NPLOC4: variants seen among roughly 807,000 people sequenced by gnomAD.
The protein encoded by NPLOC4 is nuclear protein localization protein 4 homolog.
In NPLOC4, 18 loss-of-function variants were observed where a neutral mutation model predicts 80.6. The ratio of observed to expected loss-of-function variants is 0.22; its 90% confidence interval spans 0.15 to 0.33. The LOEUF is 0.33. Among genes scored for constraint, NPLOC4 ranks in the 10% least tolerant of loss-of-function variants. NPLOC4 has a pLI of 1.00. For synonymous variants in NPLOC4, 313 were observed against 301.5 expected, an observed-to-expected ratio of 1.04 and a Z score of -0.39; for missense variants, 540 against 786.1, an observed-to-expected ratio of 0.69 and a Z score of 3.74.
chr17:81,583,240 T>C (rs990650140), intron 12 of NPLOC4, among the ~76,000 whole-genome samples: 2 of 152,248 alleles, frequency 1.3e-5, no homozygotes, highest in Non-Finnish European at 2.9e-5. Flanking sequence ...GGAGGATGTA[T>C]AGGGTGTTAA....
chr17:81,558,160 A>T lies in NPLOC4; in HGVS notation c.*1099T>A, dbSNP rs1357642233. 1 of 152,474 alleles carries T rather than the reference A, an allele frequency of 6.6e-6. No homozygotes were observed. The highest frequency in any genetic ancestry group is 2.4e-5 in the African/African-American group (1 of 41,462). 9.4% of individuals were successfully genotyped at this position (152,474 alleles called of 1,614,324 possible). ...GCAGGACCCCACCACGTGCTGTTCCAGATCGCCCAGTCTCCCTCTATTGGT... is the reference window on the plus strand; with the variant it reads ...GCAGGACCCCACCACGTGCTGTTCCTGATCGCCCAGTCTCCCTCTATTGGT... On this transcript the variant is annotated 3_prime_UTR_variant, in exon 17 of 17. Coordinates refer to ENST00000331134, the MANE Select transcript of NPLOC4 (RefSeq NM_017921.4).
chr17:81,619,301 C>T (rs80106978), intron 3 of NPLOC4, among the ~76,000 whole-genome samples: 12,002 of 151,766 alleles, frequency 0.079, 549 homozygotes, highest in Middle Eastern at 0.17. Flanking sequence ...GGCATGAACC[C>T]GGGAGGTGGA....
At chr17:81,589,356 C>T (rs1039220377) in intron 11 of NPLOC4, among the ~76,000 whole-genome samples, 1 of 151,986 alleles carries the variant, frequency 6.6e-6, no homozygotes, top group Non-Finnish European at 1.5e-5. Flanking sequence ...CGGTGAAACC[C>T]CGTCCCTACT....
chr17:81,612,011 C>G (rs577952299), intron 4 of NPLOC4, among the ~76,000 whole-genome samples: 2 of 150,742 alleles, frequency 1.3e-5, no homozygotes, highest in South Asian at 2.1e-4. Context: ...AAAGCTGGTA[C>G]GTGAACATGG....
intron 2 of NPLOC4, among the ~76,000 whole-genome samples, chr17:81,624,011 G>C (rs560818907): frequency 6.6e-6 from 1 of 152,180 alleles, no homozygotes; most frequent in Non-Finnish European, 1.5e-5. Context: ...CTGGCCGGGC[G>C]TGGTGGCTCA....
At position 81,604,534 on chromosome 17, in the gene NPLOC4, C is replaced by T. The variant is rs758822414; in HGVS notation, c.834+14G>A. 2 of 1,608,556 alleles carry T rather than the reference C, an allele frequency of 1.2e-6. No homozygotes were observed. The highest frequency in any genetic ancestry group is 1.7e-6 in the Non-Finnish European group (2 of 1,177,496). On this transcript the variant is annotated intron_variant, in intron 8 of 16. Transcript: ENST00000331134. ...AACACAGAAACTCAGGAACTTGAAT[C>T]CCGTCATGTTTACCTGAGGTGGCTC...
At chr17:81,563,990 G>T (rs1336542184) in intron 16 of NPLOC4, 2 of 448,166 alleles carry the variant, frequency 4.5e-6, no homozygotes, top group Non-Finnish European at 9.0e-6. Flanking sequence ...CTGAGGGAGG[G>T]GAATTGCTTC....
At chr17:81,631,901 G>A (rs1330784865) in intron 1 of NPLOC4, among the ~76,000 whole-genome samples, 2 of 151,854 alleles carry the variant, frequency 1.3e-5, no homozygotes, top group South Asian at 2.1e-4. Flanking sequence ...TTGAGTTCAA[G>A]TGATTCTCCT....
chr17:81,587,679 T>C (rs796829635), intron 12 of NPLOC4, among the ~76,000 whole-genome samples: 1 of 144,064 alleles, frequency 6.9e-6, no homozygotes, highest in Non-Finnish European at 1.5e-5. Flanking sequence ...AAGTTGTTTT[T>C]TTTTTTTTTT....
intron 9 of NPLOC4, 93 bp downstream of exon 9, chr17:81,600,248 G>C (rs1598652466): frequency 2.3e-6 from 2 of 855,998 alleles, no homozygotes; most frequent in South Asian, 2.9e-5. Flanking sequence ...GCCAGTACCC[G>C]ACACAGCCCG....
In NPLOC4 at chr17:81,594,274, C is replaced by CAAAAAAA. The variant is rs869281063; in HGVS notation, c.1120+1835_1120+1841dup. ...TGGGCGAAAGAGCGAGACTCCGTCT[C>CAAAAAAA]AAAAAAAAAAAAAAAAAAAAAAAAA... On this transcript the variant is annotated intron_variant, in intron 11 of 16. Coordinates refer to ENST00000331134, the MANE Select transcript of NPLOC4 (RefSeq NM_017921.4). Among the ~76,000 whole-genome samples the CAAAAAAA allele has an allele frequency of 8.0e-3, 429 of 53,660 alleles. 61 individuals carry two copies. The highest frequency in any genetic ancestry group is 0.013 in the African/African-American group (132 of 10,064). The allele number at this position is 53,660 out of a possible 152,430, so 35.2% of individuals were successfully genotyped here. A position where few individuals can be genotyped will look rare whatever the true frequency, so the allele number is the denominator to read the frequency against.
intron 3 of NPLOC4, among the ~76,000 whole-genome samples, chr17:81,620,955 C>T (rs558272121): frequency 8.6e-5 from 13 of 151,006 alleles, no homozygotes; most frequent in East Asian, 4.0e-4. Flanking sequence ...CCCAGAAGGT[C>T]GAGGCTGCAG....
intron 3 of NPLOC4, among the ~76,000 whole-genome samples, chr17:81,616,338 A>G (rs1277064210): frequency 6.9e-6 from 1 of 144,704 alleles, no homozygotes; most frequent in Non-Finnish European, 1.5e-5. Flanking sequence ...AAAAAAAAAA[A>G]GAAAAGCAAA....
At chr17:81,586,848 G>A (rs2034593181) in intron 12 of NPLOC4, among the ~76,000 whole-genome samples, 1 of 152,330 alleles carries the variant, frequency 6.6e-6, no homozygotes, top group East Asian at 1.9e-4. Flanking sequence ...AACAATAGAC[G>A]AAGTCTCATC....
In NPLOC4 at chr17:81,559,018, G is replaced by A. The variant is rs564743117; in HGVS notation, c.*241C>T. 4.9e-4 allele frequency: 250 copies of A among 512,116 alleles called. 1 individual carries two copies. The highest frequency in any genetic ancestry group is 4.0e-3 in the African/African-American group (204 of 51,510). 31.7% of individuals were successfully genotyped at this position (512,116 alleles called of 1,614,324 possible). A position where few individuals can be genotyped will look rare whatever the true frequency, so the allele number is the denominator to read the frequency against. On this transcript the variant is annotated 3_prime_UTR_variant, in exon 17 of 17. Coordinates refer to ENST00000331134, the MANE Select transcript of NPLOC4 (RefSeq NM_017921.4). ...TTGTCAACAGGATTAGGCGTGAGGAGCCGCTCTGCGTTTCCAGTCTGGAGA... is the reference window on the plus strand; with the variant it reads ...TTGTCAACAGGATTAGGCGTGAGGAACCGCTCTGCGTTTCCAGTCTGGAGA...
intron 16 of NPLOC4, 196 bp downstream of exon 16, chr17:81,565,307 CAT>C (rs1413884422): frequency 1.1e-5 from 8 of 703,182 alleles, no homozygotes; most frequent in Non-Finnish European, 1.8e-5. Flanking sequence ...GCCTGGACAA[CAT>C]GTCTGCTCCA....
At chr17:81,609,717 A>G (rs1053235492) in intron 5 of NPLOC4, among the ~76,000 whole-genome samples, 1 of 152,222 alleles carries the variant, frequency 6.6e-6, no homozygotes, top group African/African-American at 2.4e-5. Context: ...TGCAAAAAGA[A>G]ATGCCACAAG....
At chr17:81,632,948 G>A (rs2035969201) in intron 1 of NPLOC4, among the ~76,000 whole-genome samples, 1 of 151,920 alleles carries the variant, frequency 6.6e-6, no homozygotes, top group Non-Finnish European at 1.5e-5. Flanking sequence ...GGCTAACACG[G>A]TGAAACCCCA....
rs2034363242 is a variant in NPLOC4 at position 81,578,694 on chromosome 17, C to T, written c.1282-6606G>A. ...ATCTAACACATCTTGTGAGAATGCA[C>T]TCACTATCACTGAGAACAGGATGGG... On this transcript the variant is annotated intron_variant, in intron 12 of 16. Transcript: ENST00000331134. Among the ~76,000 whole-genome samples, 4 of 152,218 alleles carry T rather than the reference C, an allele frequency of 2.6e-5. No homozygotes were observed. In the South Asian group the frequency reaches 8.3e-4, roughly 32 times the overall value.
Sources: allele counts gnomAD v4.1 joint callset (sites outside exome capture counted in the v4.1 genomes callset), GRCh38; gene constraint gnomAD v4.1.1; transcripts MANE v1.5; gene names NCBI Gene and HGNC (gene_info 2026-07-23, HGNC 2026-07-21).